Variants in SYNRG observed in about 807,000 individuals in gnomAD.
SYNRG encodes synergin gamma, also known as AP1 gamma subunit binding protein 1.
A neutral mutation model predicts 130.9 loss-of-function variants in SYNRG; 37 were observed. The observed-to-expected ratio is 0.28, with a 90% CI of 0.22 to 0.37. The LOEUF is 0.37. Ranked by LOEUF, SYNRG falls within the 10% of genes least tolerant of loss-of-function variation. The pLI, the probability that SYNRG is intolerant of heterozygous loss-of-function variation, is 1.00. For synonymous variants in SYNRG, 539 were observed against 568.1 expected, an observed-to-expected ratio of 0.95 and a Z score of 0.73; for missense variants, 1,338 against 1,588.9, an observed-to-expected ratio of 0.84 and a Z score of 2.68.
chr17:37,549,597 TTTTC>T (rs1272765222), intron 14 of SYNRG, among the ~76,000 whole-genome samples: 2 of 152,058 alleles, frequency 1.3e-5, no homozygotes, highest in Non-Finnish European at 1.5e-5. Context: ...AGTACCCAAT[TTTTC>T]TTTCTTTGAG....
rs1287869874 is a variant in SYNRG at position 37,518,593 on chromosome 17, A to G, written c.*347T>C. On this transcript the variant is annotated 3_prime_UTR_variant, in exon 22 of 22. Transcript: ENST00000612223. ...CTGGCTCCAAGCAGTCGCCCATTCT[A>G]GTCCCGCAACGGTAATCTATTTTTC... The G allele has an allele frequency of 3.1e-5, 7 of 229,414 alleles. No homozygotes were observed. The highest frequency in any genetic ancestry group is 6.0e-5 in the Non-Finnish European group (7 of 117,346). 14.2% of individuals were successfully genotyped at this position (229,414 alleles called of 1,614,324 possible).
chr17:37,607,955 C>CAAAAAAAAAAAAAA (rs67822733), intron 1 of SYNRG, among the ~76,000 whole-genome samples: 6 of 51,122 alleles, frequency 1.2e-4, no homozygotes, highest in African/African-American at 1.6e-4. Context: ...GACTTCCTCT[C>CAAAAAAAAAAAAAA]AAAAAAAAAA....
Position 37,542,546 on chromosome 17 carries a change from A to G in SYNRG, c.2628T>C (p.Tyr876=), listed in dbSNP as rs150407332. The change falls in exon 15 of 22, where the codon TAT becomes TAC. Residue 876 remains tyrosine, a synonymous_variant. Coordinates refer to ENST00000612223, the MANE Select transcript of SYNRG (RefSeq NM_007247.6). ...PPAADIEDLK[Y]AAFGSYSSNF... is the part of the protein sequence containing the mutation. ...TGCTACTGTAGCTTCCAAAAGCAGC[A>G]TATTTTAAGTCCTCTATATCTGAAA... The G allele has an allele frequency of 1.2e-6, 2 of 1,611,450 alleles. No homozygotes were observed. Among genetic ancestry groups the G allele is most frequent in the Non-Finnish European group, 1.7e-6 (2 of 1,179,608 alleles).
At chr17:37,529,538 CAAAA>C (rs3049513) in intron 19 of SYNRG, among the ~76,000 whole-genome samples, 7 of 124,628 alleles carry the variant, frequency 5.6e-5, no homozygotes, top group Non-Finnish European at 1.2e-4. Flanking sequence ...ATATATTTTA[CAAAA>C]AAAAAAAAAA....
intron 1 of SYNRG, among the ~76,000 whole-genome samples, chr17:37,608,994 C>A (rs1447072637): frequency 2.0e-5 from 3 of 146,564 alleles, no homozygotes; most frequent in African/African-American, 7.6e-5. Flanking sequence ...CCGCCCCCCC[C>A]CACCCCAAGA....
intron 13 of SYNRG, among the ~76,000 whole-genome samples, chr17:37,555,454 T>G (rs1280802723): frequency 6.6e-6 from 1 of 152,228 alleles, no homozygotes; most frequent in African/African-American, 2.4e-5. Flanking sequence ...AAAAGGTTTC[T>G]ATATTCTTTA....
chr17:37,606,113 T>C (rs560591221), intron 1 of SYNRG: 11 of 656,274 alleles, frequency 1.7e-5, no homozygotes, highest in Non-Finnish European at 1.9e-5. Context: ...AGGCCCTCTC[T>C]AGTTTGGGCA....
rs36030652 is a variant in SYNRG at position 37,588,741 on chromosome 17, C to CTT, written c.241-2194_241-2193dup. 2.5e-3 allele frequency among the ~76,000 whole-genome samples: 359 copies of CTT among 144,192 alleles called. 2 individuals are homozygous for CTT. The highest frequency in any genetic ancestry group is 6.0e-3 in the African/African-American group (238 of 39,558). The allele number at this position is 144,192 out of a possible 152,430, so 94.6% of individuals were successfully genotyped here. A position where few individuals can be genotyped will look rare whatever the true frequency, so the allele number is the denominator to read the frequency against. ...TTAGTATCACAGTCCTAGAATTATTCTTTTTTTTTTTTTTACTCATTTCAC... is the reference window on the plus strand; with the variant it reads ...TTAGTATCACAGTCCTAGAATTATTCTTTTTTTTTTTTTTTTACTCATTTCAC... On this transcript the variant is annotated intron_variant, in intron 3 of 21. Coordinates refer to ENST00000612223, the MANE Select transcript of SYNRG (RefSeq NM_007247.6).
chr17:37,575,964 A>G (rs1364803366), intron 8 of SYNRG, among the ~76,000 whole-genome samples: 3 of 151,854 alleles, frequency 2.0e-5, no homozygotes, highest in Admixed American at 2.0e-4. Context: ...GAATATTTTT[A>G]AAAATATAAA....
rs959041984 is a variant in SYNRG at position 37,528,650 on chromosome 17, C to G, written c.3666+7329G>C. The stretch of plus-strand genomic sequence containing the variant: ...CACTTTGAGCGTCTAATCCAGAGTC[C>G]TGGAAGTTTGTATAGTTTTGTTACA... On this transcript the variant is annotated intron_variant, in intron 19 of 21. Transcript: ENST00000612223. 4.6e-5 allele frequency among the ~76,000 whole-genome samples: 7 copies of G among 152,238 alleles called. No homozygotes were observed. The South Asian group carries it at 1.2e-3, about 27-fold the overall frequency.
intron 14 of SYNRG, among the ~76,000 whole-genome samples, chr17:37,545,991 G>A (rs57123902): frequency 0.051 from 7,779 of 152,174 alleles, 712 homozygotes; most frequent in African/African-American, 0.18. Context: ...GCAAATATAC[G>A]TCAACCATTA....
chr17:37,585,300 G>T, intron 5 of SYNRG, 25 bp downstream of exon 5: 1 of 1,578,588 alleles, frequency 6.3e-7, no homozygotes, highest in Non-Finnish European at 8.7e-7. Flanking sequence ...TATGTTCTGG[G>T]TGAAGAGAAG....
chr17:37,597,147 G>A (rs2062848056), intron 2 of SYNRG, among the ~76,000 whole-genome samples: 1 of 152,156 alleles, frequency 6.6e-6, no homozygotes, highest in Non-Finnish European at 1.5e-5. Flanking sequence ...TAAGACCTAT[G>A]GAGAATCCAT....
chr17:37,550,775 G>C (rs2145259546), intron 14 of SYNRG, among the ~76,000 whole-genome samples: 1 of 152,104 alleles, frequency 6.6e-6, no homozygotes, highest in East Asian at 1.9e-4. Context: ...TAGGTAGGTA[G>C]GTAGCTACAG....
chr17:37,553,369 G>A lies in SYNRG; in HGVS notation c.2354C>T (p.Ser785Phe), dbSNP rs757369878. The change falls in exon 14 of 22, where the codon TCT becomes TTT. Residue 785 changes from serine to phenylalanine, a missense_variant. Coordinates refer to ENST00000612223, the MANE Select transcript of SYNRG (RefSeq NM_007247.6). Reference protein sequence around the residue: ...DFADFHSSKFSSINSDKSLGE... With the variant: ...DFADFHSSKFFSINSDKSLGE... ...CAGGGATTTGTCCGAGTTTATGGAA[G>A]AAAATTTACTGGAGTGGAAGTCAGC... is the stretch of plus-strand genomic sequence containing the variant. 3.7e-6 allele frequency: 6 copies of A among 1,614,222 alleles called. No individual in the cohort carries two copies. Among genetic ancestry groups the A allele is most frequent in the Non-Finnish European group, 4.2e-6 (5 of 1,180,046 alleles).
intron 13 of SYNRG, among the ~76,000 whole-genome samples, chr17:37,559,798 A>G (rs961346718): frequency 6.6e-6 from 1 of 152,224 alleles, no homozygotes; most frequent in African/African-American, 2.4e-5. Flanking sequence ...GCAGTGTAAT[A>G]AATCAGAGTA....
chr17:37,563,466 T>G (rs896136978), intron 11 of SYNRG, among the ~76,000 whole-genome samples: 2 of 152,214 alleles, frequency 1.3e-5, no homozygotes, highest in Non-Finnish European at 2.9e-5. Context: ...AAGAAATATT[T>G]TGATTTCAGC....
rs767868597 is a variant in SYNRG at position 37,542,053 on chromosome 17, C to G, written c.3121G>C (p.Val1041Leu). The change falls in exon 15 of 22, where the codon GTA (valine) becomes CTA (leucine). Residue 1041 changes from valine to leucine, a missense_variant. Around this residue, in one of 3 missense-constraint regions of SYNRG, gnomAD observed 1,146 missense variants for 1,342.3 expected, o/e 0.85. Transcript: ENST00000612223. The part of the protein sequence containing the change: ...KPKISKFDFL[V>L]ATSQSKMKSS... ...TTCATTTTGCTTTGTGAAGTGGCTA[C>G]TAAGAAGTCAAATTTGCTGATTTTG... 3 of 1,614,090 alleles carry G rather than the reference C, an allele frequency of 1.9e-6. No individual in the cohort carries two copies. Among genetic ancestry groups the G allele is most frequent in the Non-Finnish European group, 2.5e-6 (3 of 1,180,042 alleles).
intron 19 of SYNRG, among the ~76,000 whole-genome samples, chr17:37,524,868 T>C (rs1444690895): frequency 1.3e-5 from 2 of 152,364 alleles, no homozygotes; most frequent in Non-Finnish European, 2.9e-5. Flanking sequence ...ACATTACAGA[T>C]AGTCATCATG....
Sources: allele counts gnomAD v4.1 joint callset (sites outside exome capture counted in the v4.1 genomes callset), GRCh38; gene constraint gnomAD v4.1.1; regional missense constraint gnomAD v4.1.1; transcripts MANE v1.5; gene names NCBI Gene and HGNC (gene_info 2026-07-23, HGNC 2026-07-21).